EFCAB3: variants seen among roughly 807,000 people sequenced by gnomAD.
The protein encoded by EFCAB3 is EF-hand calcium-binding domain-containing protein 3.
A neutral mutation model predicts 42.2 loss-of-function variants in EFCAB3; 36 were observed. The observed-to-expected ratio is 0.85, with a 90% CI of 0.65 to 1.13. EFCAB3 has a LOEUF of 1.13. Among genes scored for constraint, EFCAB3 ranks in the 50% most tolerant of loss-of-function variants. The probability of loss-of-function intolerance (pLI) is 0.00; values close to 1 mark genes in which losing one functional copy is unlikely to be tolerated. For missense variants in EFCAB3, 418 were observed against 505.1 expected (o/e 0.83, Z 1.65); for synonymous variants, 170 against 172.8 (o/e 0.98, Z 0.13).
At chr17:62,412,818 C>A (rs189240899) in intron 8 of EFCAB3, among the ~76,000 whole-genome samples, 1 of 151,566 alleles carries the variant, frequency 6.6e-6, no homozygotes, top group African/African-American at 2.4e-5. Context: ...CAGACAGACC[C>A]AAGGAAGAAA....
intron 3 of EFCAB3, among the ~76,000 whole-genome samples, chr17:62,387,977 G>A (rs1305316007): frequency 2.0e-5 from 3 of 152,148 alleles, no homozygotes; most frequent in African/African-American, 4.8e-5. Context: ...GGCTGAGGCA[G>A]GCCGGGCCGA....
chr17:62,395,016 TTTC>T, intron 5 of EFCAB3, 49 bp from the exon 6 acceptor site: 1 of 1,599,378 alleles, frequency 6.3e-7, no homozygotes, highest in East Asian at 2.2e-5. Flanking sequence ...AGGTGGTCAA[TTTC>T]TTATTTCAGA....
intron 8 of EFCAB3, among the ~76,000 whole-genome samples, chr17:62,412,361 CAAA>C (rs1237628464): frequency 1.5e-5 from 1 of 65,952 alleles, no homozygotes; most frequent in Non-Finnish European, 3.5e-5. Flanking sequence ...GACTCTGTCT[CAAA>C]AAAAAAAAAA....
In EFCAB3 at chr17:62,391,888, T is replaced by C. The variant is rs767702832; in HGVS notation, c.218T>C (p.Met73Thr). Residue 73 changes from methionine (M) to threonine (T), a missense_variant, in exon 4 of 10, where the codon ATG becomes ACG. By Grantham distance (81) the Met-to-Thr change is moderately conservative. Coordinates refer to ENST00000305286, the MANE Select transcript of EFCAB3 (RefSeq NM_173503.4). ...GGCTGTATTGATTTCCATGGACTGA[T>C]GTGCACTGTAGCTAAGCTGGGAATG... ...KTGCIDFHGL[M>T]CTVAKLGMNL... The C allele has an allele frequency of 2.5e-6, 4 of 1,613,926 alleles. No homozygotes were observed. The Admixed American group carries it at 6.7e-5, about 27-fold the overall frequency.
intron 1 of EFCAB3, among the ~76,000 whole-genome samples, chr17:62,373,403 A>G (rs956972651): frequency 5.3e-5 from 8 of 152,116 alleles, no homozygotes; most frequent in Admixed American, 5.2e-4. Flanking sequence ...ACTTGAGGCC[A>G]AGAGTTCAAG....
chr17:62,385,716 C>CTTTT (rs35067521), intron 2 of EFCAB3, among the ~76,000 whole-genome samples: 1 of 77,558 alleles, frequency 1.3e-5, no homozygotes, highest in African/African-American at 4.5e-5. Flanking sequence ...TCTAGTTTTA[C>CTTTT]TTTTTTTTTT....
At chr17:62,396,871 C>T (rs914379171) in intron 6 of EFCAB3, among the ~76,000 whole-genome samples, 4 of 151,946 alleles carry the variant, frequency 2.6e-5, no homozygotes, top group African/African-American at 9.7e-5. Flanking sequence ...AGAGTGAGAC[C>T]TTCCTCTAAA....
At chr17:62,401,566 T>G (rs2070403315) in intron 6 of EFCAB3, among the ~76,000 whole-genome samples, 1 of 152,224 alleles carries the variant, frequency 6.6e-6, no homozygotes, top group African/African-American at 2.4e-5. Flanking sequence ...CATTGCTTGT[T>G]TTTGTCAGTT....
intron 6 of EFCAB3, among the ~76,000 whole-genome samples, chr17:62,402,911 T>G (rs995089341): frequency 1.3e-5 from 2 of 152,302 alleles, no homozygotes; most frequent in Non-Finnish European, 2.9e-5. Context: ...TGTGAATCCA[T>G]CTGGTCCTGG....
chr17:62,410,060 G>A (rs532201933), intron 8 of EFCAB3, among the ~76,000 whole-genome samples: 43 of 152,148 alleles, frequency 2.8e-4, no homozygotes, highest in African/African-American at 9.4e-4. Flanking sequence ...TTAGCTGAGC[G>A]TGGTGGCATA....
chr17:62,377,343 C>T (rs1392266485), upstream of EFCAB3, among the ~76,000 whole-genome samples: 1 of 152,054 alleles, frequency 6.6e-6, no homozygotes, highest in Non-Finnish European at 1.5e-5. Context: ...CCAAACCAAA[C>T]CAAACATAGG....
chr17:62,396,883 A>C (rs948618323), intron 6 of EFCAB3, among the ~76,000 whole-genome samples: 30 of 152,160 alleles, frequency 2.0e-4, no homozygotes, highest in Non-Finnish European at 3.5e-4. Flanking sequence ...TCCTCTAAAA[A>C]AATAAAATAA....
intron 6 of EFCAB3, among the ~76,000 whole-genome samples, chr17:62,400,263 T>C (rs559250019): frequency 6.6e-6 from 1 of 152,322 alleles, no homozygotes; most frequent in South Asian, 2.1e-4. Context: ...AGTTCTAGGG[T>C]ACATGTGCAC....
Position 62,413,871 on chromosome 17 carries a change from G to T in EFCAB3, c.990+17G>T, listed in dbSNP as rs886789596. On this transcript the variant is annotated intron_variant, in intron 9 of 9. Transcript: ENST00000305286. ...AAACAACATGTGAGTATTCCTTGTTGAGTTCCTTCCCAGAAATCACTGACA... is the reference window on the plus strand; with the variant it reads ...AAACAACATGTGAGTATTCCTTGTTTAGTTCCTTCCCAGAAATCACTGACA... The T allele has an allele frequency of 6.2e-7, 1 of 1,602,388 alleles. No individual in the cohort carries two copies. The highest frequency in any genetic ancestry group is 1.3e-5 in the African/African-American group (1 of 74,370).
intron 1 of EFCAB3, chr17:62,370,328 G>A (rs116377137): frequency 1.3e-6 from 2 of 1,551,566 alleles, no homozygotes; most frequent in Non-Finnish European, 8.7e-7. Flanking sequence ...TAACGGTGAG[G>A]TGTATGTTTT....
intron 3 of EFCAB3, among the ~76,000 whole-genome samples, chr17:62,388,847 C>G (rs1279785616): frequency 1.3e-5 from 2 of 152,106 alleles, no homozygotes; most frequent in South Asian, 2.1e-4. Flanking sequence ...GAGCTAAATG[C>G]CTTAATAATA....
At chr17:62,381,952 T>A (rs878914692) in intron 1 of EFCAB3, 2 of 300,578 alleles carry the variant, frequency 6.7e-6, no homozygotes, top group Non-Finnish European at 1.4e-5. Flanking sequence ...GAGGAGAAGA[T>A]GAGGAGGAGG....
intron 6 of EFCAB3, among the ~76,000 whole-genome samples, chr17:62,401,579 G>C (rs2070403477): frequency 6.6e-6 from 1 of 152,104 alleles, no homozygotes; most frequent in African/African-American, 2.4e-5. Flanking sequence ...TGTCAGTTTT[G>C]TCAAAGATCA....
chr17:62,392,880 G>A (rs1467378560), intron 4 of EFCAB3, among the ~76,000 whole-genome samples: 2 of 151,992 alleles, frequency 1.3e-5, no homozygotes, highest in Admixed American at 6.6e-5. Flanking sequence ...TTCGTGATCC[G>A]CCCGCCTCGG....
Sources: allele counts gnomAD v4.1 joint callset (sites outside exome capture counted in the v4.1 genomes callset), GRCh38; gene constraint gnomAD v4.1.1; transcripts MANE v1.5; gene names NCBI Gene and HGNC (gene_info 2026-07-23, HGNC 2026-07-21).